ACOXL: variants seen among roughly 807,000 people sequenced by gnomAD.
ACOXL encodes acyl-coenzyme A oxidase-like protein.
A neutral mutation model predicts 71.9 loss-of-function variants in ACOXL; 70 were observed. The observed-to-expected ratio is 0.97, with a 90% confidence interval of 0.80 to 1.19. The LOEUF is 1.19. Ranked by LOEUF, ACOXL falls within the 50% of genes most tolerant of loss-of-function variation. The pLI is 0.00. For synonymous variants in ACOXL, 253 were observed against 281.6 expected (o/e 0.90, Z 1.02); for missense variants, 703 against 736.3 (o/e 0.95, Z 0.52).
chr2:110,778,971 A>C (rs548334825), intron 2 of ACOXL, among the ~76,000 whole-genome samples: 1 of 152,206 alleles, frequency 6.6e-6, no homozygotes, highest in Non-Finnish European at 1.5e-5. Flanking sequence ...ACCAATATCA[A>C]TCGATTCTGT....
intron 14 of ACOXL, among the ~76,000 whole-genome samples, chr2:111,012,547 G>T (rs1371150194): frequency 2.6e-5 from 4 of 152,082 alleles, no homozygotes; most frequent in Non-Finnish European, 5.9e-5. Context: ...TACAGTGCTG[G>T]CCATAAAACA....
chr2:110,970,662 G>C (rs1294494928), intron 12 of ACOXL, among the ~76,000 whole-genome samples: 3 of 152,136 alleles, frequency 2.0e-5, no homozygotes, highest in Non-Finnish European at 4.4e-5. Context: ...ATAGAGATTA[G>C]AAGGGAAGAA....
chr2:111,098,380 C>T (rs776543468), intron 17 of ACOXL: 9 of 152,318 alleles, frequency 5.9e-5, no homozygotes, highest in Admixed American at 2.6e-4. Flanking sequence ...TACTGGGCCA[C>T]ATTCAAAGTT....
At chr2:110,981,189 C>A (rs2062693355) in intron 12 of ACOXL, among the ~76,000 whole-genome samples, 1 of 152,148 alleles carries the variant, frequency 6.6e-6, no homozygotes, top group Non-Finnish European at 1.5e-5. Context: ...ATGGTGAAGC[C>A]CCATCTCTAC....
chr2:111,049,242 C>T lies in ACOXL; in HGVS notation c.1394C>T (p.Ala465Val), dbSNP rs2066164693. 1 of 1,612,472 alleles carries T rather than the reference C, an allele frequency of 6.2e-7. No homozygotes were observed. The highest frequency in any genetic ancestry group is 8.5e-7 in the Non-Finnish European group (1 of 1,178,502). The change falls in exon 16 of 18, where the codon GCA (alanine) becomes GTA (valine). Residue 465 changes from alanine (A) to valine (V), a missense_variant. Physicochemically the swap from Ala to Val is moderately conservative, Grantham distance 64. Transcript: ENST00000439055. ...GTTACCTTAGAGCAGTTCTCCCTAG[C>T]AGTGAAGAGCTGTCCTGACCAAGAG... is the stretch of plus-strand genomic sequence containing the variant. ...HRVTLEQFSL[A>V]VKSCPDQEDQ...
intron 17 of ACOXL, among the ~76,000 whole-genome samples, chr2:111,096,329 C>T (rs561451643): frequency 4.4e-4 from 67 of 151,698 alleles, no homozygotes; most frequent in Middle Eastern, 6.8e-3. Flanking sequence ...CTCTGCCTCC[C>T]GGGTCCCCAT....
chr2:110,945,362 C>CT (rs35191683), intron 12 of ACOXL, among the ~76,000 whole-genome samples: 1,784 of 133,260 alleles, frequency 0.013, 17 homozygotes, highest in Non-Finnish European at 0.015. Flanking sequence ...CATTTGTCAA[C>CT]TTTTTTTTTT....
In ACOXL at chr2:110,820,340, G is replaced by A. The variant is rs556503177; in HGVS notation, c.753+14945G>A. Among the ~76,000 whole-genome samples, 13 of 152,304 alleles carry A rather than the reference G, an allele frequency of 8.5e-5. No individual in the cohort carries two copies. The East Asian group carries it at 2.1e-3, about 25-fold the overall frequency. On this transcript the variant is annotated intron_variant, in intron 9 of 17. Coordinates refer to ENST00000439055, the MANE Select transcript of ACOXL (RefSeq NM_001142807.4). ...GAAGTTAACTGAAGAGAAGGTCACA[G>A]GTGGCATGTAGGATGTGACATTAAA...
intron 11 of ACOXL, among the ~76,000 whole-genome samples, chr2:110,914,594 CAATA>C (rs1476323565): frequency 6.6e-6 from 1 of 152,174 alleles, no homozygotes; most frequent in African/African-American, 2.4e-5. Context: ...TCTACCTGCA[CAATA>C]AATCAAATGT....
At chr2:110,900,634 A>T (rs1418391615) in intron 10 of ACOXL, among the ~76,000 whole-genome samples, 1 of 152,190 alleles carries the variant, frequency 6.6e-6, no homozygotes, top group Admixed American at 6.5e-5. Context: ...TGGGGATATG[A>T]TGTTGACTTG....
chr2:110,742,766 T>A (rs1206224371), intron 1 of ACOXL, among the ~76,000 whole-genome samples: 2 of 152,226 alleles, frequency 1.3e-5, no homozygotes, highest in African/African-American at 4.8e-5. Flanking sequence ...AGACTTAACT[T>A]AAGACCTGAA....
At chr2:110,795,736 T>C (rs1185507368) in intron 5 of ACOXL, 2 of 152,218 alleles carry the variant, frequency 1.3e-5, no homozygotes, top group Admixed American at 6.5e-5. Context: ...CTTTGGCTTT[T>C]GGCTGGCCGA....
At chr2:110,888,735 C>T (rs951391324) in intron 10 of ACOXL, among the ~76,000 whole-genome samples, 2 of 152,150 alleles carry the variant, frequency 1.3e-5, no homozygotes, top group Admixed American at 6.5e-5. Flanking sequence ...GTCATGGCTA[C>T]GCCTGGAGGA....
chr2:110,756,022 T>G (rs1321861901), intron 1 of ACOXL, among the ~76,000 whole-genome samples: 1 of 141,800 alleles, frequency 7.1e-6, no homozygotes, highest in Non-Finnish European at 1.5e-5. Flanking sequence ...AGAATAGACC[T>G]ATAATTAGAA....
chr2:110,788,317 T>C (rs1684240048), intron 3 of ACOXL, among the ~76,000 whole-genome samples: 2 of 152,222 alleles, frequency 1.3e-5, no homozygotes, highest in Non-Finnish European at 2.9e-5. Context: ...CAAAAAATAG[T>C]GAAGTTCTGA....
chr2:110,987,177 C>G lies in ACOXL; in HGVS notation c.1129C>G (p.Gln377Glu). ...AGAAAAACCACTCTTTGGCCTGCTC[C>G]AAAACTGGGCTGAATCTGTGGGGGA... is the stretch of plus-strand genomic sequence containing the variant. ...YEEKPLFGLLQNWAESVGDKL... is the reference protein window; with the variant it reads ...YEEKPLFGLLENWAESVGDKL... Residue 377 changes from glutamine (Q) to glutamate (E), a missense_variant, in exon 13 of 18, where the codon CAA becomes GAA. Physicochemically the swap from Gln to Glu is conservative, Grantham distance 29. Coordinates refer to ENST00000439055, the MANE Select transcript of ACOXL (RefSeq NM_001142807.4). 7 of 1,578,874 alleles carry G rather than the reference C, an allele frequency of 4.4e-6. No individual in the cohort carries two copies. The highest frequency in any genetic ancestry group is 6.0e-6 in the Non-Finnish European group (7 of 1,159,268).
At chr2:110,844,826 T>A (rs1161552350) in intron 10 of ACOXL, among the ~76,000 whole-genome samples, 1 of 152,060 alleles carries the variant, frequency 6.6e-6, no homozygotes, top group Non-Finnish European at 1.5e-5. Context: ...GGATTACAGG[T>A]GTGAGCCACC....
At chr2:111,040,638 G>T (rs1321874205) in intron 15 of ACOXL, among the ~76,000 whole-genome samples, 1 of 152,220 alleles carries the variant, frequency 6.6e-6, no homozygotes. Context: ...TGGGCAGGGG[G>T]TGCAGGGTCC....
chr2:110,897,650 G>A (rs2059067846), intron 10 of ACOXL, among the ~76,000 whole-genome samples: 1 of 152,072 alleles, frequency 6.6e-6, no homozygotes, highest in African/African-American at 2.4e-5. Flanking sequence ...TCCAACACAT[G>A]AATTTTGGGG....
Sources: gnomAD v4.1 joint callset for allele counts (sites outside exome capture counted in the v4.1 genomes callset) on GRCh38, gnomAD v4.1.1 for gene constraint, MANE v1.5 for transcripts, NCBI Gene and HGNC (gene_info 2026-07-23, HGNC 2026-07-21) for gene names.